Variants in DLG2 observed in about 807,000 individuals in gnomAD.
DLG2 encodes the protein discs large MAGUK scaffold protein 2, also known as disks large homolog 2.
DLG2 carries 45 observed loss-of-function variants against 132.5 expected under a neutral mutation model. The observed-to-expected ratio is 0.34, with a 90% CI of 0.27 to 0.44. The LOEUF (loss-of-function observed/expected upper bound fraction) is 0.44, where lower values mean the gene tolerates loss of function less well. DLG2 is among the 20% of genes least tolerant of loss of function. DLG2 has a pLI of 1.00. For missense variants in DLG2, 1,045 were observed against 1,196.9 expected, an observed-to-expected ratio of 0.87 and a Z score of 1.87; for synonymous variants, 424 against 419.6, an observed-to-expected ratio of 1.01 and a Z score of -0.13.
At chr11:83,529,575 CT>C (rs34500178) in intron 21 of DLG2, among the ~76,000 whole-genome samples, 35,638 of 148,956 alleles carry the variant, frequency 0.24, 4,857 homozygotes, top group African/African-American at 0.36. Context: ...TCATGGCACT[CT>C]TTTTTTTTTT....
At chr11:85,538,987 G>A (rs2075790642) in intron 3 of DLG2, among the ~76,000 whole-genome samples, 2 of 151,690 alleles carry the variant, frequency 1.3e-5, no homozygotes, top group African/African-American at 2.4e-5. Flanking sequence ...ATGTATCCCA[G>A]AACTCAAAAT....
intron 15 of DLG2, among the ~76,000 whole-genome samples, chr11:83,889,937 A>C (rs1296902781): frequency 8.2e-6 from 1 of 121,698 alleles, no homozygotes; most frequent in East Asian, 2.8e-4. Flanking sequence ...AGGAAGGGGA[A>C]CATCACACTC....
chr11:84,603,737 C>G (rs981523527), intron 6 of DLG2, among the ~76,000 whole-genome samples: 5 of 151,914 alleles, frequency 3.3e-5, no homozygotes, highest in African/African-American at 9.7e-5. Flanking sequence ...TGGTTTATGA[C>G]AAGATTATCC....
chr11:84,989,969 TAA>T lies in DLG2; in HGVS notation c.357+121690_357+121691del, dbSNP rs544925697. ...GCATTAGGCAAAAAATTCTTAGACT[TAA>T]AACCAAAATTACAATCCATAAAAAG... On this transcript the variant is annotated intron_variant, in intron 6 of 27. Transcript: ENST00000376104. Among the ~76,000 whole-genome samples the T allele has an allele frequency of 6.9e-4, 105 of 152,310 alleles. 1 individual carries two copies. The highest frequency in any genetic ancestry group is 2.3e-3 in the African/African-American group (94 of 41,564).
intron 2 of DLG2, among the ~76,000 whole-genome samples, chr11:85,609,367 T>C (rs2080826077): frequency 1.3e-5 from 2 of 152,158 alleles, no homozygotes; most frequent in Non-Finnish European, 2.9e-5. Flanking sequence ...CTCAGTGTTC[T>C]ATAATAGGGA....
intron 17 of DLG2, among the ~76,000 whole-genome samples, chr11:83,795,433 C>CTA (rs367657450): frequency 0.42 from 61,583 of 145,416 alleles, 13,217 homozygotes; most frequent in Middle Eastern, 0.61. Flanking sequence ...ATATCTATAT[C>CTA]TATATCTATA....
intron 6 of DLG2, among the ~76,000 whole-genome samples, chr11:84,775,768 G>T (rs1275349644): frequency 6.6e-5 from 10 of 152,112 alleles, no homozygotes; most frequent in Admixed American, 6.5e-4. Context: ...CAAGGGGCAA[G>T]GTTGAAAAAC....
chr11:84,316,503 G>C (rs1187688191), intron 7 of DLG2, among the ~76,000 whole-genome samples: 1 of 151,874 alleles, frequency 6.6e-6, no homozygotes, highest in Non-Finnish European at 1.5e-5. Context: ...TAATAAACAG[G>C]CAGGACAGAA....
chr11:84,707,220 C>T (rs1445435241), intron 6 of DLG2, among the ~76,000 whole-genome samples: 5 of 151,740 alleles, frequency 3.3e-5, no homozygotes, highest in African/African-American at 9.7e-5. Context: ...GAGATCAAAT[C>T]TATAAGTGAT....
chr11:83,955,145 A>C (rs747011108), intron 14 of DLG2, among the ~76,000 whole-genome samples: 7 of 152,210 alleles, frequency 4.6e-5, no homozygotes, highest in Non-Finnish European at 1.0e-4. Context: ...AGCACGTTAC[A>C]TGTACTAACT....
At chr11:84,771,786 G>A (rs565135760) in intron 6 of DLG2, among the ~76,000 whole-genome samples, 1 of 152,156 alleles carries the variant, frequency 6.6e-6, no homozygotes, top group African/African-American at 2.4e-5. Context: ...AAAACCTCAT[G>A]TATCTATATC....
intron 8 of DLG2, among the ~76,000 whole-genome samples, chr11:84,184,358 G>C (rs1467927631): frequency 6.6e-6 from 1 of 152,020 alleles, no homozygotes; most frequent in Non-Finnish European, 1.5e-5. Context: ...GTGTCTTTTG[G>C]CTGCATAAAT....
At chr11:83,751,320 G>A (rs1197969366) in intron 18 of DLG2, among the ~76,000 whole-genome samples, 3 of 152,148 alleles carry the variant, frequency 2.0e-5, no homozygotes, top group African/African-American at 4.8e-5. Context: ...TAGAAACGAA[G>A]TCAGAGAGTA....
intron 10 of DLG2, among the ~76,000 whole-genome samples, chr11:84,062,009 T>C (rs1447179027): frequency 6.6e-6 from 1 of 152,182 alleles, no homozygotes; most frequent in Non-Finnish European, 1.5e-5. Flanking sequence ...CACTCTATGC[T>C]CAGAATACTA....
At position 84,373,265 on chromosome 11, in the gene DLG2, C is replaced by CAAAAAAAAAAAAA. The variant is rs59038372; in HGVS notation, c.520-121975_520-121974insTTTTTTTTTTTTT. On this transcript the variant is annotated intron_variant, in intron 7 of 27. Coordinates refer to ENST00000376104, the MANE Select transcript of DLG2 (RefSeq NM_001142699.3). The stretch of plus-strand genomic sequence containing the variant: ...AGAAACAGTCAAAAAAAAAAAAAAA[C>CAAAAAAAAAAAAA]AAAACAAAAAAAAAACCCACCAGGC... Among the ~76,000 whole-genome samples the CAAAAAAAAAAAAA allele has an allele frequency of 1.1e-3, 109 of 98,028 alleles. 3 individuals are homozygous for CAAAAAAAAAAAAA. The highest frequency in any genetic ancestry group is 4.7e-3 in the African/African-American group (102 of 21,932). The allele number at this position is 98,028 out of a possible 152,430, so 64.3% of individuals were successfully genotyped here. A position where few individuals can be genotyped will look rare whatever the true frequency, so the allele number is the denominator to read the frequency against.
chr11:85,423,111 G>C (rs778902313), intron 3 of DLG2, among the ~76,000 whole-genome samples: 2 of 152,144 alleles, frequency 1.3e-5, no homozygotes, highest in African/African-American at 2.4e-5. Context: ...CTGTTGTTCA[G>C]ATTCTTTTGT....
chr11:84,028,757 C>A (rs1436179938), intron 11 of DLG2, among the ~76,000 whole-genome samples: 1 of 152,110 alleles, frequency 6.6e-6, no homozygotes, highest in African/African-American at 2.4e-5. Flanking sequence ...ACCTATCTTT[C>A]AAGCCTCAGT....
At chr11:85,267,368 G>C (rs925886637) in intron 4 of DLG2, among the ~76,000 whole-genome samples, 5 of 152,234 alleles carry the variant, frequency 3.3e-5, no homozygotes, top group African/African-American at 1.2e-4. Context: ...CCAGTCTATG[G>C]CATTCTGTTT....
chr11:84,866,405 C>T (rs569308291), intron 6 of DLG2, among the ~76,000 whole-genome samples: 1 of 152,324 alleles, frequency 6.6e-6, no homozygotes, highest in African/African-American at 2.4e-5. Context: ...TAAGATTTCA[C>T]TTGGAAGTTA....
Sources: allele counts gnomAD v4.1 joint callset (sites outside exome capture counted in the v4.1 genomes callset), GRCh38; gene constraint gnomAD v4.1.1; transcripts MANE v1.5; gene names NCBI Gene and HGNC (gene_info 2026-07-23, HGNC 2026-07-21).